Variants in MACROD2 observed in about 807,000 individuals in gnomAD.
The protein encoded by MACROD2 is ADP-ribose glycohydrolase MACROD2.
Under a neutral mutation model 70.4 loss-of-function variants are expected in MACROD2, and 36 were observed. The ratio of observed to expected loss-of-function variants is 0.51; its 90% CI spans 0.39 to 0.68. The LOEUF (loss-of-function observed/expected upper bound fraction) is 0.68. MACROD2 is among the 30% of genes least tolerant of loss of function. The pLI, the probability that MACROD2 is intolerant of heterozygous loss-of-function variation, is 0.00. For synonymous variants in MACROD2, 172 were observed against 178.8 expected (o/e 0.96, Z 0.30); for missense variants, 496 against 538.4 (o/e 0.92, Z 0.78).
At chr20:16,027,314 G>T (rs2067094605) in intron 15 of MACROD2, among the ~76,000 whole-genome samples, 1 of 152,060 alleles carries the variant, frequency 6.6e-6, no homozygotes, top group Non-Finnish European at 1.5e-5. Flanking sequence ...CTAGTCCTTT[G>T]GTCATGGACA....
intron 6 of MACROD2, among the ~76,000 whole-genome samples, chr20:15,392,172 C>G (rs149597973): frequency 0.019 from 2,935 of 152,214 alleles, 37 homozygotes; most frequent in South Asian, 0.056. Context: ...GGTACCATTG[C>G]AAGAAGATTC....
At chr20:14,819,666 G>A (rs918637672) in intron 5 of MACROD2, among the ~76,000 whole-genome samples, 2 of 152,080 alleles carry the variant, frequency 1.3e-5, no homozygotes, top group African/African-American at 2.4e-5. Flanking sequence ...TGATTTTAGG[G>A]ATCAGAAAAG....
chr20:15,829,799 T>C (rs1297405160), intron 8 of MACROD2, among the ~76,000 whole-genome samples: 1 of 151,976 alleles, frequency 6.6e-6, no homozygotes, highest in African/African-American at 2.4e-5. Context: ...TGCAAAACAA[T>C]ATGATAAGTG....
chr20:15,845,861 G>T (rs2064225176), intron 8 of MACROD2, among the ~76,000 whole-genome samples: 1 of 152,184 alleles, frequency 6.6e-6, no homozygotes, highest in Non-Finnish European at 1.5e-5. Context: ...GAAGTTAAGT[G>T]ATTCACTGGA....
chr20:14,025,083 C>T (rs7267342), intron 2 of MACROD2, among the ~76,000 whole-genome samples: 1 of 152,120 alleles, frequency 6.6e-6, no homozygotes, highest in Admixed American at 6.6e-5. Context: ...TGACTTCTTT[C>T]TGGTTTGGTC....
Position 13,995,850 on chromosome 20 carries a change from G to GGT in MACROD2, c.46+41_46+42insGT. ...AGTCCTGGGGGTGCGGGCGGTGGGG[G>GGT]TTAGGGTGGGGGCGGGGGTCAGGCT... On this transcript the variant is annotated intron_variant, in intron 1 of 17. Coordinates refer to ENST00000684519, the MANE Select transcript of MACROD2 (RefSeq NM_001351661.2). The surrounding 1 kb of genome is among the most constrained non-coding windows in gnomAD (Gnocchi z 4.3). 13 of 505,080 alleles carry GGT rather than the reference G, an allele frequency of 2.6e-5. No homozygotes were observed. The highest frequency in any genetic ancestry group is 4.5e-5 in the Non-Finnish European group (12 of 266,308). The allele number at this position is 505,080 out of a possible 1,614,324, so 31.3% of individuals were successfully genotyped here.
chr20:15,189,374 G>A (rs913670747), intron 5 of MACROD2, among the ~76,000 whole-genome samples: 23 of 151,848 alleles, frequency 1.5e-4, no homozygotes, highest in African/African-American at 4.6e-4. Flanking sequence ...GTATGTACAC[G>A]CACATACACA....
At chr20:15,316,701 CAG>C (rs2077814904) in intron 6 of MACROD2, among the ~76,000 whole-genome samples, 1 of 152,064 alleles carries the variant, frequency 6.6e-6, no homozygotes, top group Non-Finnish European at 1.5e-5. Flanking sequence ...CTAGACCTGA[CAG>C]AGATTTTGAA....
chr20:14,761,763 A>C (rs2123754217), intron 5 of MACROD2, among the ~76,000 whole-genome samples: 1 of 152,222 alleles, frequency 6.6e-6, no homozygotes, highest in East Asian at 1.9e-4. Flanking sequence ...CTGAAAACAC[A>C]CTACTTGCCC....
intron 6 of MACROD2, among the ~76,000 whole-genome samples, chr20:15,389,937 C>G (rs1438778259): frequency 6.6e-6 from 1 of 152,018 alleles, no homozygotes; most frequent in Admixed American, 6.6e-5. Context: ...ATATTTAAAA[C>G]ACAAAGTAAA....
At chr20:15,435,560 G>C (rs1039041406) in intron 7 of MACROD2, among the ~76,000 whole-genome samples, 3 of 152,098 alleles carry the variant, frequency 2.0e-5, no homozygotes, top group Non-Finnish European at 4.4e-5. Context: ...GTTTGGTATT[G>C]CCAGTCTCTA....
At chr20:14,778,101 G>C (rs2072255629) in intron 5 of MACROD2, among the ~76,000 whole-genome samples, 1 of 152,120 alleles carries the variant, frequency 6.6e-6, no homozygotes. Flanking sequence ...GAGATGCTAA[G>C]TCACTTGTCC....
At chr20:15,873,809 CA>C (rs2064621946) in intron 9 of MACROD2, among the ~76,000 whole-genome samples, 1 of 152,160 alleles carries the variant, frequency 6.6e-6, no homozygotes, top group Admixed American at 6.6e-5. Context: ...ACCAAAAACT[CA>C]AAAATGACCT....
intron 2 of MACROD2, among the ~76,000 whole-genome samples, chr20:14,033,177 A>G (rs756176056): frequency 6.7e-6 from 1 of 149,498 alleles, no homozygotes; most frequent in African/African-American, 2.5e-5. Flanking sequence ...TTTTCCCCCC[A>G]GATATCTATC....
intron 8 of MACROD2, among the ~76,000 whole-genome samples, chr20:15,637,562 A>G (rs1425107197): frequency 1.3e-5 from 2 of 152,230 alleles, no homozygotes; most frequent in Non-Finnish European, 2.9e-5. Context: ...TTCTCAAGGC[A>G]TGCATTACAA....
intron 4 of MACROD2, among the ~76,000 whole-genome samples, chr20:14,519,573 T>A (rs2085141411): frequency 6.6e-6 from 1 of 152,186 alleles, no homozygotes; most frequent in South Asian, 2.1e-4. Context: ...TAACAGGTGC[T>A]GGTGAGGTTG....
chr20:15,955,082 G>T (rs1199917648), intron 12 of MACROD2, among the ~76,000 whole-genome samples: 1 of 152,170 alleles, frequency 6.6e-6, no homozygotes, highest in Non-Finnish European at 1.5e-5. Context: ...GGGGTTGTCT[G>T]TGAAATGTGG....
At chr20:14,363,304 C>T (rs900395177) in intron 3 of MACROD2, among the ~76,000 whole-genome samples, 3 of 152,096 alleles carry the variant, frequency 2.0e-5, no homozygotes, top group Admixed American at 6.6e-5. Flanking sequence ...CCTCATTTTA[C>T]AGCTGTGGAA....
At chr20:14,147,992 A>G (rs1472975761) in intron 3 of MACROD2, among the ~76,000 whole-genome samples, 3 of 152,180 alleles carry the variant, frequency 2.0e-5, no homozygotes, top group Non-Finnish European at 4.4e-5. Context: ...CTTAATAAGA[A>G]TTTGATTTTT....
Sources: gnomAD v4.1 joint callset for allele counts (sites outside exome capture counted in the v4.1 genomes callset) on GRCh38, gnomAD v4.1.1 for gene constraint, Gnocchi (gnomAD v3.1) non-coding constraint, MANE v1.5 for transcripts, NCBI Gene and HGNC (gene_info 2026-07-23, HGNC 2026-07-21) for gene names.